AMPH: variants seen among roughly 807,000 people sequenced by gnomAD.
AMPH encodes amphiphysin.
In AMPH, 49 loss-of-function variants were observed where a neutral mutation model predicts 99.1. The ratio of observed to expected loss-of-function variants is 0.49; its 90% CI spans 0.39 to 0.63. The LOEUF (loss-of-function observed/expected upper bound fraction) is 0.63, where lower values mean the gene tolerates loss of function less well. AMPH is among the 20% of genes least tolerant of loss of function. The pLI is 0.00. For missense variants in AMPH, 759 were observed against 863.4 expected, an observed-to-expected ratio of 0.88 and a Z score of 1.52; for synonymous variants, 314 against 317.3, an observed-to-expected ratio of 0.99 and a Z score of 0.11.
At chr7:38,606,723 C>T (rs1291906531) in intron 1 of AMPH, among the ~76,000 whole-genome samples, 1 of 152,000 alleles carries the variant, frequency 6.6e-6, no homozygotes, top group Non-Finnish European at 1.5e-5. Context: ...CAGGCAAATG[C>T]CACCACTCCT....
At chr7:38,568,261 C>G (rs1289616526) in intron 1 of AMPH, among the ~76,000 whole-genome samples, 1 of 152,090 alleles carries the variant, frequency 6.6e-6, no homozygotes, top group Admixed American at 6.5e-5. Context: ...GTCAGGAGAT[C>G]GAGACCATCT....
chr7:38,436,657 G>A (rs906784186), intron 11 of AMPH, among the ~76,000 whole-genome samples: 2 of 152,160 alleles, frequency 1.3e-5, no homozygotes, highest in African/African-American at 4.8e-5. Context: ...TCCAAGTCCA[G>A]TCAACAGAGA....
chr7:38,413,259 T>C (rs1785265494), intron 17 of AMPH, among the ~76,000 whole-genome samples: 1 of 152,146 alleles, frequency 6.6e-6, no homozygotes, highest in Non-Finnish European at 1.5e-5. Flanking sequence ...TTGAGGTAAG[T>C]GGGGCTTAGG....
chr7:38,517,552 C>T (rs949220483), intron 2 of AMPH, among the ~76,000 whole-genome samples: 1 of 152,132 alleles, frequency 6.6e-6, no homozygotes, highest in Non-Finnish European at 1.5e-5. Flanking sequence ...TTTATGATTA[C>T]CCAGTCTCAG....
intron 1 of AMPH, among the ~76,000 whole-genome samples, chr7:38,574,228 G>A (rs1792149989): frequency 1.3e-5 from 2 of 152,174 alleles, no homozygotes; most frequent in South Asian, 4.1e-4. Flanking sequence ...ATATGTGCCA[G>A]ACGACAGAGA....
chr7:38,444,980 C>CATATATATCCATATAT (rs1423731934), intron 11 of AMPH, among the ~76,000 whole-genome samples: 3 of 21,294 alleles, frequency 1.4e-4, no homozygotes, highest in South Asian at 1.7e-3. Context: ...GAAATATATC[C>CATATATATCCATATAT]ATATATATAC....
chr7:38,588,707 A>G (rs1258137727), intron 1 of AMPH, among the ~76,000 whole-genome samples: 1 of 151,612 alleles, frequency 6.6e-6, no homozygotes, highest in Non-Finnish European at 1.5e-5. Context: ...TATTTATTAG[A>G]AAAAAAAAGA....
chr7:38,505,277 G>T (rs1789281087), intron 2 of AMPH, among the ~76,000 whole-genome samples: 1 of 152,200 alleles, frequency 6.6e-6, no homozygotes, highest in Admixed American at 6.5e-5. Flanking sequence ...CTTGCATTGT[G>T]CAGGTATAGT....
intron 2 of AMPH, 42 bp from the exon 3 acceptor site, chr7:38,503,746 T>C (rs1427974977): frequency 6.3e-7 from 1 of 1,596,754 alleles, no homozygotes; most frequent in Non-Finnish European, 8.6e-7. Flanking sequence ...TAGTCTATAT[T>C]CTGCATGAAA....
chr7:38,528,050 T>C (rs1452603813), intron 2 of AMPH, among the ~76,000 whole-genome samples: 7 of 152,354 alleles, frequency 4.6e-5, no homozygotes, highest in African/African-American at 1.7e-4. Flanking sequence ...ATTACATTGA[T>C]TGATTTTGGA....
chr7:38,391,845 G>C lies in AMPH; in HGVS notation c.1781C>G (p.Pro594Arg). Residue 594 changes from proline to arginine, a missense_variant, in exon 19 of 21, where the codon CCT becomes CGT. This residue lies in a region of AMPH where 554 missense variants were observed against 575.6 expected (regional missense o/e 0.96). Transcript: ENST00000356264. ...GGCTGGTGCAGAAGGCGTGGGCTGA[G>C]GGTCCTGGATAGGCTTCTGCTCCGT... ...LATEQKPIQD[P>R]QPTPSAPAMG... 6.2e-7 allele frequency: 1 copy of C among 1,613,386 alleles called. No individual in the cohort carries two copies. The highest frequency in any genetic ancestry group is 8.5e-7 in the Non-Finnish European group (1 of 1,179,870).
intron 5 of AMPH, 41 bp downstream of exon 5, chr7:38,491,009 C>A (rs780325982): frequency 7.6e-7 from 1 of 1,317,570 alleles, no homozygotes; most frequent in East Asian, 2.3e-5. Context: ...AACTACATGA[C>A]CCCACTCAAT....
chr7:38,493,242 T>A (rs1788798062), intron 4 of AMPH, among the ~76,000 whole-genome samples: 1 of 152,168 alleles, frequency 6.6e-6, no homozygotes. Flanking sequence ...GGCTGCCACA[T>A]CAAATTTAGG....
At chr7:38,438,190 T>C (rs1786364998) in intron 11 of AMPH, among the ~76,000 whole-genome samples, 1 of 152,258 alleles carries the variant, frequency 6.6e-6, no homozygotes, top group African/African-American at 2.4e-5. Context: ...CATTACCTCA[T>C]GTTAACACAC....
At chr7:38,434,377 A>T (rs1419210626) in intron 12 of AMPH, among the ~76,000 whole-genome samples, 2 of 152,182 alleles carry the variant, frequency 1.3e-5, no homozygotes, top group Non-Finnish European at 2.9e-5. Flanking sequence ...TGTAGACAGA[A>T]ATGCTATGAA....
chr7:38,627,300 T>C (rs1176434226), intron 1 of AMPH, among the ~76,000 whole-genome samples: 1 of 150,252 alleles, frequency 6.7e-6, no homozygotes, highest in African/African-American at 2.5e-5. Flanking sequence ...TCCCAGCACT[T>C]TGGGAGGCTG....
chr7:38,502,926 T>C (rs541739391), intron 3 of AMPH, among the ~76,000 whole-genome samples: 1 of 152,330 alleles, frequency 6.6e-6, no homozygotes, highest in Non-Finnish European at 1.5e-5. Context: ...GTTTTCCCAA[T>C]ACCCCTTGTC....
chr7:38,534,749 C>T (rs2129040442), intron 2 of AMPH, among the ~76,000 whole-genome samples, 182 bp downstream of exon 2: 1 of 152,258 alleles, frequency 6.6e-6, no homozygotes, highest in East Asian at 1.9e-4. Flanking sequence ...ATTCCAAAAC[C>T]TACTCTCTAT....
intron 5 of AMPH, among the ~76,000 whole-genome samples, chr7:38,483,533 G>A (rs1788373131): frequency 6.6e-6 from 1 of 152,118 alleles, no homozygotes. Context: ...AATGAGTCTT[G>A]CTTGTCTCAG....
Sources: allele counts gnomAD v4.1 joint callset (sites outside exome capture counted in the v4.1 genomes callset), GRCh38; gene constraint gnomAD v4.1.1; regional missense constraint gnomAD v4.1.1; transcripts MANE v1.5; gene names NCBI Gene and HGNC (gene_info 2026-07-23, HGNC 2026-07-21).